SLC38A4: variants seen among roughly 807,000 people sequenced by gnomAD.
SLC38A4 encodes sodium-coupled neutral amino acid transporter 4.
In SLC38A4, 20 loss-of-function variants were observed where a neutral mutation model predicts 63.1. That is an observed-to-expected ratio of 0.32 (90% CI 0.22 to 0.46). The LOEUF is 0.46. Ranked by LOEUF, SLC38A4 falls within the 20% of genes least tolerant of loss-of-function variation. The pLI is 1.00. For missense variants in SLC38A4, 526 were observed against 663.6 expected (o/e 0.79, Z 2.28); for synonymous variants, 230 against 225.5 (o/e 1.02, Z -0.18).
At chr12:46,790,422 C>T (rs951474111) in intron 3 of SLC38A4, among the ~76,000 whole-genome samples, 2 of 152,128 alleles carry the variant, frequency 1.3e-5, no homozygotes, top group Non-Finnish European at 2.9e-5. Flanking sequence ...CACCCACTGC[C>T]CACCACTCTT....
chr12:46,812,279 T>A (rs566962409), intron 1 of SLC38A4, among the ~76,000 whole-genome samples: 1 of 152,050 alleles, frequency 6.6e-6, no homozygotes, highest in African/African-American at 2.4e-5. Flanking sequence ...AATTAAAGGC[T>A]GATGGCATTT....
upstream of SLC38A4, among the ~76,000 whole-genome samples, chr12:46,827,313 C>T (rs367934277): frequency 6.6e-6 from 1 of 152,152 alleles, no homozygotes; most frequent in African/African-American, 2.4e-5. Context: ...TCAAATAATG[C>T]TTTGGGTGGT....
intron 2 of SLC38A4, among the ~76,000 whole-genome samples, chr12:46,800,561 A>C (rs1939110578): frequency 6.6e-6 from 1 of 151,960 alleles, no homozygotes; most frequent in Non-Finnish European, 1.5e-5. Flanking sequence ...AAAATCTTTA[A>C]AGGCCAATTG....
intron 7 of SLC38A4, 89 bp downstream of exon 7, chr12:46,784,453 A>G: frequency 8.6e-6 from 8 of 928,656 alleles, no homozygotes; most frequent in Non-Finnish European, 1.1e-5. Flanking sequence ...TTCTGTATCT[A>G]AAGTGCCTGT....
intron 1 of SLC38A4, among the ~76,000 whole-genome samples, chr12:46,816,573 T>C (rs1000927534): frequency 6.6e-6 from 1 of 151,908 alleles, no homozygotes; most frequent in African/African-American, 2.4e-5. Flanking sequence ...GGCAGCTGAT[T>C]AGGCCTTCTT....
chr12:46,769,950 A>G (rs1041592195), intron 14 of SLC38A4, among the ~76,000 whole-genome samples: 1 of 152,136 alleles, frequency 6.6e-6, no homozygotes, highest in Non-Finnish European at 1.5e-5. Flanking sequence ...CACATTTGTA[A>G]GCAACACATG....
At chr12:46,779,541 G>C in intron 10 of SLC38A4, 70 bp downstream of exon 10, 3 of 1,184,840 alleles carry the variant, frequency 2.5e-6, no homozygotes, top group Non-Finnish European at 3.6e-6. Context: ...AACAAAATGA[G>C]GACACTAATT....
In SLC38A4 at chr12:46,824,088, A is replaced by G. The variant is rs558235222; in HGVS notation, c.-305+1815T>C. 3.3e-5 allele frequency among the ~76,000 whole-genome samples: 5 copies of G among 152,268 alleles called. No individual in the cohort carries two copies. In the South Asian group the frequency reaches 1.0e-3, roughly 32 times the overall value. ...CTCTGGGTGACCCCTGTCAAACCCA[A>G]TAGCTACTCACTGTCATTTCCAGCC... On this transcript the variant is annotated intron_variant, in intron 1 of 16. Transcript: ENST00000266579.
At chr12:46,794,104 G>A (rs980066623) in intron 2 of SLC38A4, among the ~76,000 whole-genome samples, 3 of 152,112 alleles carry the variant, frequency 2.0e-5, no homozygotes, top group African/African-American at 7.2e-5. Context: ...CATGACATGT[G>A]CAATACCCAT....
At chr12:46,806,586 T>G (rs111303302) in intron 1 of SLC38A4, among the ~76,000 whole-genome samples, 1 of 152,154 alleles carries the variant, frequency 6.6e-6, no homozygotes, top group African/African-American at 2.4e-5. Flanking sequence ...ACTCTTTCTC[T>G]TGTATTCCTA....
chr12:46,769,824 A>G (rs1938378563), intron 14 of SLC38A4, among the ~76,000 whole-genome samples: 1 of 152,130 alleles, frequency 6.6e-6, no homozygotes, highest in South Asian at 2.1e-4. Flanking sequence ...TAGGAGTACT[A>G]GGCTATGCCA....
At chr12:46,779,539 G>T in intron 10 of SLC38A4, 72 bp downstream of exon 10, 1 of 1,169,812 alleles carries the variant, frequency 8.5e-7, no homozygotes, top group Non-Finnish European at 1.2e-6. Context: ...TGAACAAAAT[G>T]AGGACACTAA....
At chr12:46,828,857 C>T (rs1565682112), upstream of SLC38A4, among the ~76,000 whole-genome samples, 1 of 152,186 alleles carries the variant, frequency 6.6e-6, no homozygotes, top group Non-Finnish European at 1.5e-5. Flanking sequence ...ATTATATACA[C>T]AGTGGAAGAA....
At chr12:46,793,943 G>A (rs1416495561) in intron 2 of SLC38A4, among the ~76,000 whole-genome samples, 2 of 152,136 alleles carry the variant, frequency 1.3e-5, no homozygotes, top group African/African-American at 4.8e-5. Context: ...ATAGTGAAAA[G>A]GGGTGGACTG....
upstream of SLC38A4, among the ~76,000 whole-genome samples, chr12:46,830,891 G>A (rs1173685261): frequency 6.6e-6 from 1 of 152,202 alleles, no homozygotes; most frequent in Non-Finnish European, 1.5e-5. Flanking sequence ...GCCCTAGCCG[G>A]GAGATTCACA....
chr12:46,825,313 T>TTATATATATATATATATATATATATATA lies in SLC38A4; in HGVS notation c.-305+589_-305+590insTATATATATATATATATATATATATATA, dbSNP rs34878223. Among the ~76,000 whole-genome samples the TTATATATATATATATATATATATATATA allele has an allele frequency of 2.9e-3, 413 of 140,308 alleles. 3 individuals are homozygous for TTATATATATATATATATATATATATATA. Among genetic ancestry groups the TTATATATATATATATATATATATATATA allele is most frequent in the African/African-American group, 7.9e-3 (302 of 38,388 alleles). 92.0% of individuals were successfully genotyped at this position (140,308 alleles called of 152,430 possible). ...TTATAATTACTTTAATATACAAAGTTTATATATATATATATATTCCTTACA... is the reference window on the plus strand; with the variant it reads ...TTATAATTACTTTAATATACAAAGTTTATATATATATATATATATATATATATATATATATATATATATATTCCTTACA... On this transcript the variant is annotated intron_variant, in intron 1 of 16. Transcript: ENST00000266579.
Position 46,800,644 on chromosome 12 carries a change from C to T in SLC38A4, c.-113+2959G>A, listed in dbSNP as rs145322964. Among the ~76,000 whole-genome samples, 1,428 of 152,134 alleles carry T rather than the reference C, an allele frequency of 9.4e-3. 11 individuals are homozygous for T. The highest frequency in any genetic ancestry group is 0.015 in the Non-Finnish European group (1,024 of 67,978). On this transcript the variant is annotated intron_variant, in intron 2 of 16. Transcript: ENST00000266579. ...TGCCACTATATGCTCTCCTCTCCTG[C>T]GTAGTATTTATCACACTTCTTACTT...
intron 1 of SLC38A4, among the ~76,000 whole-genome samples, chr12:46,806,126 G>GA: frequency 6.6e-6 from 1 of 151,756 alleles, no homozygotes; most frequent in South Asian, 2.1e-4. Flanking sequence ...CATCCTAGAT[G>GA]AAAAATACCC....
At chr12:46,821,201 G>C (rs1282474997) in intron 1 of SLC38A4, among the ~76,000 whole-genome samples, 2 of 151,918 alleles carry the variant, frequency 1.3e-5, no homozygotes. Context: ...TTTTTTGCCT[G>C]TGCTTTTGGT....
Sources: allele counts gnomAD v4.1 joint callset (sites outside exome capture counted in the v4.1 genomes callset), GRCh38; gene constraint gnomAD v4.1.1; transcripts MANE v1.5; gene names NCBI Gene and HGNC (gene_info 2026-07-23, HGNC 2026-07-21).